CUX1: variants seen among roughly 807,000 people sequenced by gnomAD.
CUX1 encodes cut like homeobox 1.
Under a neutral mutation model 158.8 loss-of-function variants are expected in CUX1, and 31 were observed. The observed-to-expected ratio is 0.20, with a 90% CI of 0.15 to 0.26. The LOEUF (loss-of-function observed/expected upper bound fraction) is 0.26, where lower values mean the gene tolerates loss of function less well. Among genes scored for constraint, CUX1 ranks in the 10% least tolerant of loss-of-function variants. The pLI, the probability that CUX1 is intolerant of heterozygous loss-of-function variation, is 1.00. For synonymous variants in CUX1, 879 were observed against 862.1 expected, an observed-to-expected ratio of 1.02 and a Z score of -0.34; for missense variants, 1,589 against 2,014.6, an observed-to-expected ratio of 0.79 and a Z score of 4.04.
chr7:102,255,272 C>G lies in CUX1; in HGVS notation c.*6230C>G, dbSNP rs1453339282. 2.0e-6 allele frequency: 2 copies of G among 985,058 alleles called. No homozygotes were observed. Among genetic ancestry groups the G allele is most frequent in the Non-Finnish European group, 2.4e-6 (2 of 829,942 alleles). The allele number at this position is 985,058 out of a possible 1,614,324, so 61.0% of individuals were successfully genotyped here. Reference sequence around the variant, plus strand: ...GTCCATGCCATCCGTGGCATCATCTCGAGTTTTCATTTTTGGATGAAGTGA... The same window carrying G: ...GTCCATGCCATCCGTGGCATCATCTGGAGTTTTCATTTTTGGATGAAGTGA... On this transcript the variant is annotated 3_prime_UTR_variant, in exon 24 of 24. Coordinates refer to ENST00000292535, the MANE Select transcript of CUX1 (RefSeq NM_181552.4).
chr7:101,888,341 G>GA (rs111312470), intron 1 of CUX1, among the ~76,000 whole-genome samples: 12 of 151,300 alleles, frequency 7.9e-5, no homozygotes, highest in East Asian at 1.9e-4. Flanking sequence ...CAAAAAAAAA[G>GA]AAAAAAAAAT....
chr7:102,206,604 AC>A (rs1329005296), intron 20 of CUX1, among the ~76,000 whole-genome samples: 2 of 152,046 alleles, frequency 1.3e-5, no homozygotes, highest in African/African-American at 4.8e-5. Flanking sequence ...CTAGATCAAA[AC>A]CCCTTGTTAG....
Position 101,998,836 on chromosome 7 carries a change from TTTC to T in CUX1, c.142-29259_142-29257del, listed in dbSNP as rs1192905628. On this transcript the variant is annotated intron_variant, in intron 2 of 23. Coordinates refer to ENST00000292535, the MANE Select transcript of CUX1 (RefSeq NM_181552.4). ...CAGTGTCCAGCTCTCTCTTCGTCGC[TTTC>T]TTAAGTTGAGGGAGCTGCTATGCCA... is the stretch of plus-strand genomic sequence containing the variant. Among the ~76,000 whole-genome samples the T allele has an allele frequency of 2.6e-5, 4 of 152,164 alleles. 1 individual carries two copies. The highest frequency in any genetic ancestry group is 4.4e-5 in the Non-Finnish European group (3 of 68,032).
At chr7:102,142,674 G>T (rs782790935) in intron 8 of CUX1, among the ~76,000 whole-genome samples, 5 of 150,136 alleles carry the variant, frequency 3.3e-5, no homozygotes, top group Non-Finnish European at 7.4e-5. Context: ...GTAGTCCCAG[G>T]TATTCAGGGG....
chr7:102,070,470 CG>C, intron 4 of CUX1, 53 bp downstream of exon 4: 1 of 1,443,166 alleles, frequency 6.9e-7, no homozygotes. Flanking sequence ...TCTGGTGAGT[CG>C]GTGGGTTTTT....
At chr7:102,168,521 G>A (rs1209248182) in intron 9 of CUX1, among the ~76,000 whole-genome samples, 5 of 151,524 alleles carry the variant, frequency 3.3e-5, no homozygotes, top group African/African-American at 7.3e-5. Context: ...GTGGGCACCT[G>A]TAATTCCAGC....
At position 102,227,386 on chromosome 7, in the gene CUX1, C is replaced by T. The variant is rs782666396; in HGVS notation, c.3150C>T (p.Ser1050=). 12 of 1,608,802 alleles carry T rather than the reference C, an allele frequency of 7.5e-6. No homozygotes were observed. The highest frequency in any genetic ancestry group is 1.3e-5 in the African/African-American group (1 of 74,808). The change falls in exon 21 of 24, where the codon TCC becomes TCT. Residue 1050 remains serine (S), a synonymous_variant. Coordinates refer to ENST00000292535, the MANE Select transcript of CUX1 (RefSeq NM_181552.4). ...TTACAGAAAGCACTCCAAAGACCTC[C>T]GCCAGCTGCAGCCCTGCCCCTGAGT... ...CVSSESTPKT[S]ASCSPAPESP... is the part of the protein sequence containing the mutation.
At chr7:101,860,194 A>G (rs1458884239) in intron 1 of CUX1, among the ~76,000 whole-genome samples, 1 of 152,084 alleles carries the variant, frequency 6.6e-6, no homozygotes, top group Non-Finnish European at 1.5e-5. Flanking sequence ...TTTTGAACAG[A>G]TTCTTAAGAA....
At chr7:101,966,629 G>T (rs192211963) in intron 2 of CUX1, among the ~76,000 whole-genome samples, 185 of 152,270 alleles carry the variant, frequency 1.2e-3, no homozygotes, top group African/African-American at 4.4e-3. Context: ...CCTAGGTGGC[G>T]GATGTCCCAT....
At chr7:102,035,037 C>A in intron 3 of CUX1, among the ~76,000 whole-genome samples, 1 of 143,852 alleles carries the variant, frequency 7.0e-6, no homozygotes, top group African/African-American at 2.6e-5. Context: ...AGGTATTTAT[C>A]AGAAACATAC....
intron 2 of CUX1, among the ~76,000 whole-genome samples, chr7:101,950,962 A>C (rs1223492370): frequency 6.6e-6 from 1 of 152,252 alleles, no homozygotes; most frequent in African/African-American, 2.4e-5. Context: ...CTTTGGTTTC[A>C]TTCCCTTTCT....
intron 8 of CUX1, among the ~76,000 whole-genome samples, chr7:102,123,092 G>C (rs1832225188): frequency 6.6e-6 from 1 of 152,066 alleles, no homozygotes; most frequent in Non-Finnish European, 1.5e-5. Flanking sequence ...TTAGCTGGGT[G>C]TGGTGGCGCA....
rs528247141 is a variant in CUX1 at position 101,998,124 on chromosome 7, T to A, written c.142-29974T>A. On this transcript the variant is annotated intron_variant, in intron 2 of 23. Transcript: ENST00000292535. ...GCCGGGTACTGTGCCATAATAAGCCTTGGTAAAGGCTGCTGTAGGCTTCAC... is the reference window on the plus strand; with the variant it reads ...GCCGGGTACTGTGCCATAATAAGCCATGGTAAAGGCTGCTGTAGGCTTCAC... 3.9e-5 allele frequency among the ~76,000 whole-genome samples: 6 copies of A among 152,316 alleles called. No individual in the cohort carries two copies. In the East Asian group the frequency reaches 1.2e-3, roughly 29 times the overall value.
intron 2 of CUX1, among the ~76,000 whole-genome samples, chr7:101,994,825 T>G (rs1265649951): frequency 6.6e-6 from 1 of 150,878 alleles, no homozygotes; most frequent in Non-Finnish European, 1.5e-5. Flanking sequence ...CACGGTGGCT[T>G]ATGTCGGTAA....
intron 8 of CUX1, among the ~76,000 whole-genome samples, chr7:102,146,406 G>A (rs989809521): frequency 6.6e-6 from 1 of 152,114 alleles, no homozygotes; most frequent in African/African-American, 2.4e-5. Context: ...AGTTGACCCC[G>A]CACGTGCCGT....
chr7:101,832,468 G>A (rs982745135), intron 1 of CUX1, among the ~76,000 whole-genome samples: 22 of 152,292 alleles, frequency 1.4e-4, no homozygotes, highest in African/African-American at 5.3e-4. Context: ...TTCAGGGGCG[G>A]GCTTCGTGCA....
chr7:101,976,133 A>C (rs979918742), intron 2 of CUX1, among the ~76,000 whole-genome samples: 3 of 152,254 alleles, frequency 2.0e-5, no homozygotes, highest in African/African-American at 7.2e-5. Context: ...CCCCATCTCT[A>C]AAACAAACAA....
rs1383826597 is a variant in CUX1, at chr7:101,817,748, G to C, written c.30+79G>C. On this transcript the variant is annotated intron_variant, in intron 1 of 23. Transcript: ENST00000292535. The surrounding 1 kb of genome is among the most constrained non-coding windows in gnomAD (Gnocchi z 4.1). ...GGATGTCGGGGGGTGCCCGGGTCCCGCGGCTTAGAATGCTCTAGGGCGGCC... is the reference window on the plus strand; with the variant it reads ...GGATGTCGGGGGGTGCCCGGGTCCCCCGGCTTAGAATGCTCTAGGGCGGCC... 1.6e-5 allele frequency: 25 copies of C among 1,521,608 alleles called. No individual in the cohort carries two copies. In the Admixed American group the frequency reaches 4.8e-4, roughly 29 times the overall value. The allele number at this position is 1,521,608 out of a possible 1,614,324, so 94.3% of individuals were successfully genotyped here. A position where few individuals can be genotyped will look rare whatever the true frequency, so the allele number is the denominator to read the frequency against.
chr7:101,909,468 C>A (rs142572374), intron 1 of CUX1, among the ~76,000 whole-genome samples: 1 of 152,228 alleles, frequency 6.6e-6, no homozygotes, highest in African/African-American at 2.4e-5. Context: ...CCAGAGAACC[C>A]TCCATTCATC....
Sources: gnomAD v4.1 joint callset for allele counts (sites outside exome capture counted in the v4.1 genomes callset) on GRCh38, gnomAD v4.1.1 for gene constraint, Gnocchi (gnomAD v3.1) non-coding constraint, MANE v1.5 for transcripts, NCBI Gene and HGNC (gene_info 2026-07-23, HGNC 2026-07-21) for gene names.